Variants in CCBE1 observed in about 807,000 individuals in gnomAD.
CCBE1 encodes the protein collagen and calcium binding EGF domains 1, also known as collagen and calcium-binding EGF domain-containing protein 1.
A neutral mutation model predicts 50.0 loss-of-function variants in CCBE1; 37 were observed. The observed-to-expected ratio is 0.74, with a 90% CI of 0.57 to 0.97. The LOEUF is 0.97. CCBE1 is among the 50% of genes least tolerant of loss of function. CCBE1 has a pLI of 0.00. For missense variants in CCBE1, 538 were observed against 523.8 expected (o/e 1.03, Z -0.26); for synonymous variants, 234 against 203.7 (o/e 1.15, Z -1.27).
chr18:59,466,136 A>C (rs1450225952), intron 5 of CCBE1, among the ~76,000 whole-genome samples: 1 of 152,066 alleles, frequency 6.6e-6, no homozygotes, highest in Non-Finnish European at 1.5e-5. Context: ...AACTACATGA[A>C]TATAAAATAC....
At position 59,473,667 on chromosome 18, in the gene CCBE1, G is replaced by A. The variant is rs201409017; in HGVS notation, c.266-4060C>T. ...ACCTTCCAACCCTCCCACTATTTCC[G>A]CCCTCCACTACTCACCATCCAACCC... On this transcript the variant is annotated intron_variant, in intron 3 of 10. Transcript: ENST00000439986. Among the ~76,000 whole-genome samples, 16 of 21,918 alleles carry A rather than the reference G, an allele frequency of 7.3e-4. 1 individual carries two copies. The highest frequency in any genetic ancestry group is 2.0e-3 in the African/African-American group (12 of 5,984). 14.4% of individuals were successfully genotyped at this position (21,918 alleles called of 152,430 possible).
chr18:59,515,256 A>G (rs1383639096), intron 2 of CCBE1, among the ~76,000 whole-genome samples: 4 of 152,252 alleles, frequency 2.6e-5, no homozygotes, highest in African/African-American at 9.6e-5. Context: ...AGCTACACAA[A>G]TAACAGTCAT....
At chr18:59,452,862 G>C (rs1228979706) in intron 6 of CCBE1, among the ~76,000 whole-genome samples, 1 of 152,198 alleles carries the variant, frequency 6.6e-6, no homozygotes, top group Non-Finnish European at 1.5e-5. Flanking sequence ...ATTAGCTTGG[G>C]ATTGCCACAA....
Position 59,512,604 on chromosome 18 carries a change from C to T in CCBE1, c.213-32366G>A, listed in dbSNP as rs1182351393. 3.9e-5 allele frequency among the ~76,000 whole-genome samples: 6 copies of T among 152,232 alleles called. No individual in the cohort carries two copies. In the East Asian group the frequency reaches 9.6e-4, roughly 24 times the overall value. ...AGACAGAGAGGCACGAAGTGCTGAG[C>T]GCCTTCCTGTGGTGCTGGCAGGCCC... is the stretch of plus-strand genomic sequence containing the variant. On this transcript the variant is annotated intron_variant, in intron 2 of 10. Coordinates refer to ENST00000439986, the MANE Select transcript of CCBE1 (RefSeq NM_133459.4).
intron 4 of CCBE1, among the ~76,000 whole-genome samples, chr18:59,467,967 C>T (rs1006940733): frequency 1.3e-5 from 2 of 152,194 alleles, no homozygotes; most frequent in Non-Finnish European, 2.9e-5. Context: ...CCCAGGTGTC[C>T]CTGCCCTAAA....
At chr18:59,501,245 G>T (rs1380120450) in intron 2 of CCBE1, among the ~76,000 whole-genome samples, 1 of 152,172 alleles carries the variant, frequency 6.6e-6, no homozygotes, top group East Asian at 1.9e-4. Flanking sequence ...GTGATTTTGG[G>T]GACCCTGTCC....
At chr18:59,540,271 G>C (rs920547232) in intron 2 of CCBE1, among the ~76,000 whole-genome samples, 3 of 152,052 alleles carry the variant, frequency 2.0e-5, no homozygotes, top group African/African-American at 7.2e-5. Context: ...ATTCATAATG[G>C]ATCAAACCCA....
At chr18:59,514,035 G>C (rs1011151956) in intron 2 of CCBE1, among the ~76,000 whole-genome samples, 2 of 152,078 alleles carry the variant, frequency 1.3e-5, no homozygotes, top group African/African-American at 4.8e-5. Flanking sequence ...ATCTTGCATG[G>C]GGCCGTGGCT....
intron 2 of CCBE1, among the ~76,000 whole-genome samples, chr18:59,512,707 C>G (rs779337339): frequency 2.0e-5 from 3 of 152,222 alleles, no homozygotes; most frequent in Non-Finnish European, 4.4e-5. Context: ...AAACAGCACA[C>G]TGTCTGCTAG....
At chr18:59,579,423 C>T (rs937537739) in intron 2 of CCBE1, among the ~76,000 whole-genome samples, 7 of 151,578 alleles carry the variant, frequency 4.6e-5, no homozygotes, top group Non-Finnish European at 1.0e-4. Flanking sequence ...AAGATTCCTA[C>T]GTCCCAGCCC....
chr18:59,476,290 G>T (rs190214112), intron 3 of CCBE1, among the ~76,000 whole-genome samples: 55 of 152,258 alleles, frequency 3.6e-4, no homozygotes, highest in Non-Finnish European at 2.9e-5. Flanking sequence ...TTCTTTTGCT[G>T]CTGGTTCTTA....
chr18:59,548,570 G>A lies in CCBE1; in HGVS notation c.213-68332C>T, dbSNP rs537375261. 1.2e-4 allele frequency among the ~76,000 whole-genome samples: 19 copies of A among 152,260 alleles called. No individual in the cohort carries two copies. The South Asian group carries it at 3.7e-3, about 30-fold the overall frequency. On this transcript the variant is annotated intron_variant, in intron 2 of 10. Transcript: ENST00000439986. ...GCCCTCCTGAGAGACCCTACATAGG[G>A]AAAATCAGCTGCTGTCATGCAAATG...
intron 2 of CCBE1, among the ~76,000 whole-genome samples, chr18:59,693,300 T>A (rs975222366): frequency 2.1e-4 from 32 of 152,226 alleles, no homozygotes; most frequent in African/African-American, 7.0e-4. Flanking sequence ...TAATGCAAAA[T>A]TTTTTAAATC....
intron 6 of CCBE1, among the ~76,000 whole-genome samples, chr18:59,448,501 C>A (rs1365337905): frequency 6.6e-6 from 1 of 152,074 alleles, no homozygotes; most frequent in Non-Finnish European, 1.5e-5. Flanking sequence ...CAGTGGTGAC[C>A]AAGACATGGT....
rs1254143550 is a variant in CCBE1 at position 59,478,869 on chromosome 18, T to TGAGAAATTCAGCAGA, written c.265+1302_265+1316dup. Among the ~76,000 whole-genome samples the TGAGAAATTCAGCAGA allele has an allele frequency of 2.6e-5, 4 of 152,150 alleles. No homozygotes were observed. The East Asian group carries it at 7.7e-4, about 29-fold the overall frequency. ...CCCATCATGCTATAACCAACAGAAT[T>TGAGAAATTCAGCAGA]GAGAAATTCAGCAGAGAGAAATTCA... On this transcript the variant is annotated intron_variant, in intron 3 of 10. Coordinates refer to ENST00000439986, the MANE Select transcript of CCBE1 (RefSeq NM_133459.4).
intron 5 of CCBE1, among the ~76,000 whole-genome samples, chr18:59,458,133 CATCCATCCATCCATCT>C (rs1911284357): frequency 6.6e-6 from 1 of 151,024 alleles, no homozygotes; most frequent in South Asian, 2.1e-4. Flanking sequence ...TCCATCCATC[CATCCATCCATCCATCT>C]ATCCATCCAT....
chr18:59,514,605 G>A (rs1914283309), intron 2 of CCBE1, among the ~76,000 whole-genome samples: 1 of 147,306 alleles, frequency 6.8e-6, no homozygotes, highest in South Asian at 2.1e-4. Flanking sequence ...GGGGAATTTA[G>A]GCATGCTCTC....
chr18:59,534,900 T>G (rs1394688989), intron 2 of CCBE1, among the ~76,000 whole-genome samples: 1 of 152,228 alleles, frequency 6.6e-6, no homozygotes, highest in Non-Finnish European at 1.5e-5. Context: ...TAAGTAATGG[T>G]GCCAAGGCTT....
chr18:59,607,599 C>T (rs2053515760), intron 2 of CCBE1, among the ~76,000 whole-genome samples: 1 of 152,150 alleles, frequency 6.6e-6, no homozygotes. Flanking sequence ...TCTCTTATTC[C>T]CTTCAGCTAC....
Sources: gnomAD v4.1 joint callset for allele counts (sites outside exome capture counted in the v4.1 genomes callset) on GRCh38, gnomAD v4.1.1 for gene constraint, MANE v1.5 for transcripts, NCBI Gene and HGNC (gene_info 2026-07-23, HGNC 2026-07-21) for gene names.